Variants in ADGRB3 observed in about 807,000 individuals in gnomAD.
ADGRB3 encodes adhesion G protein-coupled receptor B3, also known as brain-specific angiogenesis inhibitor 3.
In ADGRB3, 37 loss-of-function variants were observed where a neutral mutation model predicts 193.4. The observed-to-expected ratio is 0.19, with a 90% CI of 0.15 to 0.25. The LOEUF is 0.25. ADGRB3 is among the 10% of genes least tolerant of loss of function. The probability of loss-of-function intolerance (pLI) is 1.00; values close to 1 mark genes in which losing one functional copy is unlikely to be tolerated. For synonymous variants in ADGRB3, 690 were observed against 644.2 expected, an observed-to-expected ratio of 1.07 and a Z score of -1.08; for missense variants, 1,637 against 1,852.9, an observed-to-expected ratio of 0.88 and a Z score of 2.14.
At chr6:69,182,960 T>A (rs72911164) in intron 17 of ADGRB3, among the ~76,000 whole-genome samples, 1 of 152,302 alleles carries the variant, frequency 6.6e-6, no homozygotes, top group Non-Finnish European at 1.5e-5. Flanking sequence ...TCTTGTTTTT[T>A]TAACCTTTCC....
intron 3 of ADGRB3, among the ~76,000 whole-genome samples, chr6:68,669,233 A>G (rs1390522594): frequency 6.6e-6 from 1 of 151,932 alleles, no homozygotes. Flanking sequence ...CAATTCAATT[A>G]CACTCTTTTA....
At chr6:69,086,893 T>A (rs1255186563) in intron 17 of ADGRB3, among the ~76,000 whole-genome samples, 1 of 152,108 alleles carries the variant, frequency 6.6e-6, no homozygotes, top group East Asian at 1.9e-4. Context: ...ATAGCATTTT[T>A]AACCTTTTCA....
intron 3 of ADGRB3, among the ~76,000 whole-genome samples, chr6:68,911,570 A>C (rs1766711240): frequency 6.6e-6 from 1 of 152,188 alleles, no homozygotes; most frequent in Non-Finnish European, 1.5e-5. Flanking sequence ...TGTGTGAGAA[A>C]GAGAGGTTTA....
chr6:69,286,694 AAAT>A (rs1767560791), intron 20 of ADGRB3, among the ~76,000 whole-genome samples: 1 of 152,232 alleles, frequency 6.6e-6, no homozygotes, highest in Admixed American at 6.5e-5. Flanking sequence ...TTGAATTAAA[AAAT>A]AATATGGTGT....
chr6:68,884,350 A>G (rs890535075), intron 3 of ADGRB3, among the ~76,000 whole-genome samples: 4 of 152,188 alleles, frequency 2.6e-5, no homozygotes, highest in African/African-American at 9.7e-5. Context: ...AGAAACTGTG[A>G]TAAGCGCTGC....
intron 13 of ADGRB3, among the ~76,000 whole-genome samples, chr6:69,040,772 C>G (rs888747811): frequency 7.2e-6 from 1 of 139,236 alleles, no homozygotes; most frequent in Non-Finnish European, 1.5e-5. Context: ...CATTTCTATG[C>G]TAAAAGGAAT....
At chr6:68,824,264 A>G (rs1171076864) in intron 3 of ADGRB3, among the ~76,000 whole-genome samples, 7 of 151,752 alleles carry the variant, frequency 4.6e-5, no homozygotes, top group African/African-American at 1.7e-4. Context: ...GTTTTGATTT[A>G]GTTTTGTCTT....
chr6:69,185,164 G>A (rs1765042927), intron 17 of ADGRB3, among the ~76,000 whole-genome samples: 1 of 151,900 alleles, frequency 6.6e-6, no homozygotes, highest in Admixed American at 6.6e-5. Context: ...ATAACTTCAG[G>A]TGTTTTGAGT....
chr6:68,786,874 C>G (rs1391402659), intron 3 of ADGRB3, among the ~76,000 whole-genome samples: 1 of 151,868 alleles, frequency 6.6e-6, no homozygotes, highest in Non-Finnish European at 1.5e-5. Context: ...CTTCACATCC[C>G]TTGTAAGTTG....
intron 3 of ADGRB3, among the ~76,000 whole-genome samples, chr6:68,686,145 C>T (rs142661990): frequency 6.6e-6 from 1 of 152,296 alleles, no homozygotes; most frequent in African/African-American, 2.4e-5. Context: ...TCCCATCAAA[C>T]TCTTGCAAAA....
At chr6:69,184,372 C>T (rs1024211433) in intron 17 of ADGRB3, among the ~76,000 whole-genome samples, 10 of 152,002 alleles carry the variant, frequency 6.6e-5, no homozygotes, top group Non-Finnish European at 1.5e-4. Context: ...TTCCCTCCAA[C>T]GCTAATAAAA....
chr6:69,299,521 C>T (rs1384899027), intron 20 of ADGRB3, among the ~76,000 whole-genome samples: 2 of 151,780 alleles, frequency 1.3e-5, no homozygotes, highest in East Asian at 3.9e-4. Flanking sequence ...TCGGGTATTA[C>T]ATTTAAGTAT....
chr6:68,919,985 T>C (rs1025187362), intron 3 of ADGRB3, among the ~76,000 whole-genome samples: 2 of 152,116 alleles, frequency 1.3e-5, no homozygotes, highest in African/African-American at 4.8e-5. Context: ...GAGAAAATTA[T>C]TGGAATGTGA....
chr6:68,738,647 A>C (rs1562011171), intron 3 of ADGRB3, among the ~76,000 whole-genome samples: 1 of 152,214 alleles, frequency 6.6e-6, no homozygotes, highest in African/African-American at 2.4e-5. Context: ...AGTTATCAAC[A>C]AAACTGACGT....
intron 17 of ADGRB3, among the ~76,000 whole-genome samples, chr6:69,181,211 A>G (rs1372202229): frequency 6.6e-6 from 1 of 152,110 alleles, no homozygotes; most frequent in African/African-American, 2.4e-5. Flanking sequence ...CCTTATTGAA[A>G]TACAGCTCAT....
At chr6:69,250,797 C>T (rs1766602888) in intron 20 of ADGRB3, among the ~76,000 whole-genome samples, 1 of 152,200 alleles carries the variant, frequency 6.6e-6, no homozygotes, top group Non-Finnish European at 1.5e-5. Context: ...CTTCACTCAC[C>T]AGCCTAGTGT....
chr6:69,075,724 A>G (rs1218896151), intron 16 of ADGRB3, among the ~76,000 whole-genome samples: 2 of 152,218 alleles, frequency 1.3e-5, no homozygotes, highest in African/African-American at 2.4e-5. Context: ...CTTATGGTGT[A>G]TGAGAGCCTT....
intron 15 of ADGRB3, among the ~76,000 whole-genome samples, chr6:69,059,911 G>T (rs1321068362): frequency 6.6e-6 from 1 of 152,038 alleles, no homozygotes; most frequent in East Asian, 1.9e-4. Flanking sequence ...ACTCAAACAT[G>T]TTTTAAGTAT....
chr6:69,183,838 G>T (rs1765003553), intron 17 of ADGRB3, among the ~76,000 whole-genome samples: 1 of 151,968 alleles, frequency 6.6e-6, no homozygotes, highest in Admixed American at 6.6e-5. Flanking sequence ...TTTTATGGAA[G>T]AAAACACTCC....
Sources: allele counts gnomAD v4.1 joint callset (sites outside exome capture counted in the v4.1 genomes callset), GRCh38; gene constraint gnomAD v4.1.1; transcripts MANE v1.5; gene names NCBI Gene and HGNC (gene_info 2026-07-23, HGNC 2026-07-21).